URB1: variants seen among roughly 807,000 people sequenced by gnomAD.
URB1 encodes the protein nucleolar pre-ribosomal-associated protein 1.
URB1 carries 197 observed loss-of-function variants against 242.3 expected under a neutral mutation model. The ratio of observed to expected loss-of-function variants is 0.81; its 90% CI spans 0.72 to 0.91. The LOEUF is 0.91. Ranked by LOEUF, URB1 falls within the 40% of genes least tolerant of loss-of-function variation. The probability of loss-of-function intolerance (pLI) is 0.00; values close to 1 mark genes in which losing one functional copy is unlikely to be tolerated. For synonymous variants in URB1, 1,153 were observed against 1,201.8 expected (o/e 0.96, Z 0.84); for missense variants, 2,721 against 2,860.5 (o/e 0.95, Z 1.11).
intron 24 of URB1, among the ~76,000 whole-genome samples, chr21:32,342,897 A>G (rs2033046673): frequency 1.3e-5 from 2 of 152,182 alleles, no homozygotes; most frequent in South Asian, 4.1e-4. Context: ...AACCACCCAC[A>G]GCTCCAGTAT....
rs1024712415 is a variant in URB1 at position 32,373,842 on chromosome 21, T to A, written c.751-70A>T. On this transcript the variant is annotated intron_variant, in intron 6 of 38. Transcript: ENST00000382751. ...AAGTTCATGGAATTCAATTATTTTTTAAATGGTGCTTACTGTTTTCTCATC... is the reference window on the plus strand; with the variant it reads ...AAGTTCATGGAATTCAATTATTTTTAAAATGGTGCTTACTGTTTTCTCATC... The A allele has an allele frequency of 4.7e-5, 64 of 1,352,404 alleles. No homozygotes were observed. The South Asian group carries it at 8.1e-4, about 17-fold the overall frequency. 83.8% of individuals were successfully genotyped at this position (1,352,404 alleles called of 1,614,324 possible). A position where few individuals can be genotyped will look rare whatever the true frequency, so the allele number is the denominator to read the frequency against.
chr21:32,328,056 A>G (rs1159321875), intron 30 of URB1, among the ~76,000 whole-genome samples: 1 of 152,260 alleles, frequency 6.6e-6, no homozygotes, highest in African/African-American at 2.4e-5. Flanking sequence ...ATATCAAGAC[A>G]TAGACTAAAA....
rs1423724789 is a variant in URB1 at position 32,355,048 on chromosome 21, T to C, written c.2107-51A>G. On this transcript the variant is annotated intron_variant, in intron 16 of 38. Coordinates refer to ENST00000382751, the MANE Select transcript of URB1 (RefSeq NM_014825.3). Reference sequence around the variant, plus strand: ...AGCATTCAGATGGTCACAGGTGAAATGAAGAAGCCAAAAAATGTCACTGGT... The same window carrying C: ...AGCATTCAGATGGTCACAGGTGAAACGAAGAAGCCAAAAAATGTCACTGGT... The C allele has an allele frequency of 2.7e-6, 4 of 1,503,766 alleles. No individual in the cohort carries two copies. The African/African-American group carries it at 4.2e-5, about 16-fold the overall frequency. 93.2% of individuals were successfully genotyped at this position (1,503,766 alleles called of 1,614,324 possible).
At chr21:32,325,792 G>A (rs1012749056) in intron 30 of URB1, among the ~76,000 whole-genome samples, 2 of 152,120 alleles carry the variant, frequency 1.3e-5, no homozygotes, top group East Asian at 1.9e-4. Flanking sequence ...CCTCCACCGC[G>A]GGCGCCTGTC....
rs1162271640 is a variant in URB1 at position 32,316,967 on chromosome 21, G to A, written c.6133C>T (p.Pro2045Ser). The change falls in exon 38 of 39, where the codon CCT (proline) becomes TCT (serine). Residue 2045 changes from proline to serine, a missense_variant. Pro to Ser is a moderately conservative substitution (Grantham distance 74, BLOSUM62 -1). Transcript: ENST00000382751. ...TCCAAGGTAGATGCCATCAGCTCAG[G>A]GTCAGCCATCTCCTCTGCCTCCCCA... ...RPGEAEEMAD[P>S]ELMASTLETC... The A allele has an allele frequency of 1.3e-6, 2 of 1,551,684 alleles. No individual in the cohort carries two copies. The highest frequency in any genetic ancestry group is 3.9e-5 in the Admixed American group (2 of 51,006).
chr21:32,338,714 T>G lies in URB1; in HGVS notation c.4503A>C (p.Gln1501His). 9 of 1,551,202 alleles carry G rather than the reference T, an allele frequency of 5.8e-6. No homozygotes were observed. The highest frequency in any genetic ancestry group is 7.8e-6 in the Non-Finnish European group (9 of 1,146,906). ...TSDGEESPDSQVKEALVDLML... is the reference protein window; with the variant it reads ...TSDGEESPDSHVKEALVDLML... ...GCTGGGGTGAGGGGTCACCTTTTAC[T>G]TGGCTGTCCGGGCTCTCCTCTCCGT... Residue 1501 changes from glutamine (Q) to histidine (H), a missense_variant, in exon 26 of 39, where the codon CAA becomes CAC. Transcript: ENST00000382751.
chr21:32,324,912 G>C (rs140366785), intron 31 of URB1, among the ~76,000 whole-genome samples: 18 of 151,984 alleles, frequency 1.2e-4, no homozygotes, highest in African/African-American at 4.4e-4. Context: ...TCAGTGTGTC[G>C]TGGATAATAG....
At chr21:32,345,140 GA>G (rs1269749823) in intron 23 of URB1, among the ~76,000 whole-genome samples, 1 of 152,030 alleles carries the variant, frequency 6.6e-6, no homozygotes, top group Non-Finnish European at 1.5e-5. Flanking sequence ...TCCCCTGGGA[GA>G]AAATCACCCC....
rs145947602 is a variant in URB1 at position 32,331,840 on chromosome 21, T to C, written c.4960+1477A>G. ...CCCCAAATCCCCTGTTGGGGTGGCA[T>C]GAGAGAAGGCCAAGTAGGGAGGCAG... On this transcript the variant is annotated intron_variant, in intron 30 of 38. Coordinates refer to ENST00000382751, the MANE Select transcript of URB1 (RefSeq NM_014825.3). Among the ~76,000 whole-genome samples, 645 of 152,298 alleles carry C rather than the reference T, an allele frequency of 4.2e-3. 3 individuals are homozygous for C. The highest frequency in any genetic ancestry group is 0.014 in the African/African-American group (595 of 41,570).
In URB1 at chr21:32,390,574, C is replaced by T. The variant is rs534714638; in HGVS notation, c.142+2195G>A. Among the ~76,000 whole-genome samples, 12 of 152,100 alleles carry T rather than the reference C, an allele frequency of 7.9e-5. No homozygotes were observed. The East Asian group carries it at 2.3e-3, about 29-fold the overall frequency. On this transcript the variant is annotated intron_variant, in intron 1 of 38. Coordinates refer to ENST00000382751, the MANE Select transcript of URB1 (RefSeq NM_014825.3). ...AAATTTTCTCCCATTCTGTAGGTCG[C>T]CTGTTCACTCTGATGGTAGTTTCTT...
rs2032974147 is a variant in URB1 at position 32,337,453 on chromosome 21, G to A, written c.4572C>T (p.Ser1524=). The change falls in exon 27 of 39, where the codon AGC becomes AGT. Residue 1524 remains serine (S), a synonymous_variant. Transcript: ENST00000382751. ...VEMCPSVCES[S]HFAVLLGAYG... ...AGGCCCCGAGAAGCACTGCAAAGTG[G>A]CTGCTCTCACAGACAGAGGGGCACA... 1.9e-6 allele frequency: 3 copies of A among 1,550,664 alleles called. No individual in the cohort carries two copies. Among genetic ancestry groups the A allele is most frequent in the African/African-American group, 2.7e-5 (2 of 73,054 alleles).
Position 32,372,551 on chromosome 21 carries a change from C to T in URB1, c.957G>A (p.Lys319=), listed in dbSNP as rs1461585676. 1.3e-6 allele frequency: 2 copies of T among 1,551,532 alleles called. No homozygotes were observed. Among genetic ancestry groups the T allele is most frequent in the Non-Finnish European group, 1.7e-6 (2 of 1,146,996 alleles). ...NFLMDLCCSL[K]HGINFYDASL... The stretch of plus-strand genomic sequence containing the variant: ...ATGCATCGTAAAAATTAATTCCATG[C>T]TTGAGTGAACAGCAAAGATCCATCA... The change falls in exon 8 of 39, where the codon AAG becomes AAA. Residue 319 remains lysine, a synonymous_variant. Transcript: ENST00000382751.
intron 15 of URB1, among the ~76,000 whole-genome samples, chr21:32,356,523 A>G (rs1205906373): frequency 2.0e-5 from 3 of 152,128 alleles, no homozygotes; most frequent in South Asian, 4.1e-4. Flanking sequence ...TTTCACAAAG[A>G]CCCAGGTAAA....
At chr21:32,323,912 G>A (rs972415187) in intron 32 of URB1, among the ~76,000 whole-genome samples, 2 of 152,092 alleles carry the variant, frequency 1.3e-5, no homozygotes, top group East Asian at 1.9e-4. Context: ...GCAGTGAGCC[G>A]AGATCATGCC....
intron 1 of URB1, among the ~76,000 whole-genome samples, chr21:32,390,074 C>A (rs921125214): frequency 1.3e-5 from 2 of 152,184 alleles, no homozygotes; most frequent in Non-Finnish European, 2.9e-5. Flanking sequence ...AAGATACAGA[C>A]CAGATTCAAA....
intron 30 of URB1, among the ~76,000 whole-genome samples, chr21:32,327,546 G>A (rs757609454): frequency 2.6e-5 from 4 of 151,482 alleles, no homozygotes; most frequent in Non-Finnish European, 4.4e-5. Flanking sequence ...AAGTATTTTA[G>A]GAAGAAGAAA....
At chr21:32,382,509 G>A (rs560878605) in intron 4 of URB1, among the ~76,000 whole-genome samples, 1 of 152,140 alleles carries the variant, frequency 6.6e-6, no homozygotes, top group Non-Finnish European at 1.5e-5. Context: ...TCCAATTCCC[G>A]GCAATGTAGA....
Position 32,338,791 on chromosome 21 carries a change from A to G in URB1, c.4426T>C (p.Tyr1476His), listed in dbSNP as rs1458978933. Residue 1476 changes from tyrosine (Y) to histidine (H), a missense_variant, in exon 26 of 39, where the codon TAC becomes CAC. Physicochemically the swap from Tyr to His is moderately conservative, Grantham distance 83 (BLOSUM62 2). Transcript: ENST00000382751. ...AGCGAGTGCTGCATGAGCATCACGTAGACCACCGGGAGCTGGATGAGCTTC... is the reference window on the plus strand; with the variant it reads ...AGCGAGTGCTGCATGAGCATCACGTGGACCACCGGGAGCTGGATGAGCTTC... ...RTKLIQLPVVYVMLMQHSLFL... is the reference protein window; with the variant it reads ...RTKLIQLPVVHVMLMQHSLFL... The G allele has an allele frequency of 1.3e-6, 2 of 1,551,582 alleles. No homozygotes were observed. Among genetic ancestry groups the G allele is most frequent in the Non-Finnish European group, 1.7e-6 (2 of 1,146,998 alleles).
chr21:32,377,291 G>C, intron 5 of URB1: 1 of 512,808 alleles, frequency 2.0e-6, no homozygotes, highest in Non-Finnish European at 3.9e-6. Context: ...GAGGTCCAGG[G>C]GGACGGGCCC....
Sources: allele counts gnomAD v4.1 joint callset (sites outside exome capture counted in the v4.1 genomes callset), GRCh38; gene constraint gnomAD v4.1.1; transcripts MANE v1.5; gene names NCBI Gene and HGNC (gene_info 2026-07-23, HGNC 2026-07-21).